Variants in NAALADL2 observed in about 807,000 individuals in gnomAD.
The protein encoded by NAALADL2 is N-acetylated alpha-linked acidic dipeptidase like 2.
In NAALADL2, 76 loss-of-function variants were observed where a neutral mutation model predicts 87.2. That is an observed-to-expected ratio of 0.87 (90% CI 0.72 to 1.05). The LOEUF (loss-of-function observed/expected upper bound fraction) is 1.05, where lower values mean the gene tolerates loss of function less well. Ranked by LOEUF, NAALADL2 falls within the 50% of genes least tolerant of loss-of-function variation. The pLI is 0.00. For missense variants in NAALADL2, 1,089 were observed against 945.8 expected (o/e 1.15, Z -1.99); for synonymous variants, 354 against 331.0 (o/e 1.07, Z -0.75).
intron 10 of NAALADL2, among the ~76,000 whole-genome samples, chr3:175,579,511 T>G (rs975572245): frequency 7.9e-5 from 12 of 152,228 alleles, no homozygotes; most frequent in Non-Finnish European, 1.5e-5. Context: ...GCCTCTATAC[T>G]CTAATTTTCC....
At chr3:175,315,693 A>G (rs986613832) in intron 4 of NAALADL2, among the ~76,000 whole-genome samples, 1 of 152,220 alleles carries the variant, frequency 6.6e-6, no homozygotes, top group Non-Finnish European at 1.5e-5. Context: ...ATTTTCTAGT[A>G]TAAAATTAGA....
intron 3 of NAALADL2, among the ~76,000 whole-genome samples, chr3:174,787,604 T>TATATATATATACACACAC (rs1553855444): frequency 3.4e-5 from 3 of 87,938 alleles, no homozygotes; most frequent in South Asian, 5.0e-4. Context: ...TATATATATA[T>TATATATATATACACACAC]ATATATATAT....
chr3:175,331,911 C>G (rs1553863692), intron 5 of NAALADL2, among the ~76,000 whole-genome samples: 1 of 152,102 alleles, frequency 6.6e-6, no homozygotes, highest in Non-Finnish European at 1.5e-5. Context: ...AATCAACATA[C>G]AAAATCAGCA....
intron 2 of NAALADL2, among the ~76,000 whole-genome samples, chr3:174,573,430 G>A (rs1294682494): frequency 6.6e-6 from 1 of 152,120 alleles, no homozygotes; most frequent in Non-Finnish European, 1.5e-5. Context: ...ATCACACCTG[G>A]CCAAAATTTG....
chr3:174,622,314 C>T (rs1028116200), intron 2 of NAALADL2, among the ~76,000 whole-genome samples: 1 of 152,122 alleles, frequency 6.6e-6, no homozygotes, highest in Non-Finnish European at 1.5e-5. Flanking sequence ...TTTATTTCTT[C>T]ACCTCTAAAC....
intron 10 of NAALADL2, among the ~76,000 whole-genome samples, chr3:175,591,767 G>GT (rs1553928588): frequency 4.4e-5 from 2 of 45,374 alleles, no homozygotes; most frequent in African/African-American, 6.5e-5. Flanking sequence ...ATGCGCATGT[G>GT]GTGTGTGTGT....
chr3:174,972,461 C>G (rs922128130), intron 1 of NAALADL2, among the ~76,000 whole-genome samples: 1 of 152,116 alleles, frequency 6.6e-6, no homozygotes, highest in Non-Finnish European at 1.5e-5. Flanking sequence ...ACCACCTTCT[C>G]TCTGCGCTCT....
chr3:175,746,315 G>GTT (rs397765614), intron 12 of NAALADL2, among the ~76,000 whole-genome samples: 175 of 123,418 alleles, frequency 1.4e-3, no homozygotes, highest in Admixed American at 4.5e-3. Flanking sequence ...CACTTGGTTT[G>GTT]TTTTTTTTTT....
chr3:175,115,674 G>A (rs1482597329), intron 2 of NAALADL2, among the ~76,000 whole-genome samples: 1 of 151,700 alleles, frequency 6.6e-6, no homozygotes, highest in African/African-American at 2.4e-5. Flanking sequence ...ATTAGATGAG[G>A]AGGAAGTAAT....
intron 9 of NAALADL2, among the ~76,000 whole-genome samples, chr3:175,569,959 A>T (rs1717794364): frequency 6.6e-6 from 1 of 152,112 alleles, no homozygotes; most frequent in East Asian, 1.9e-4. Context: ...GATTATAAGG[A>T]TTTGTCTCAT....
rs536493105 is a variant in NAALADL2 at position 174,705,652 on chromosome 3, G to T, written c.-114-31989G>T. On this transcript the variant is annotated intron_variant, in intron 2 of 3. Transcript: ENST00000434257. Reference sequence around the variant, plus strand: ...ACAAAAATTAGCCGGGCGTGGTGGTGGGCGCCTGTAATCCCAGCTACTCGG... The same window carrying T: ...ACAAAAATTAGCCGGGCGTGGTGGTTGGCGCCTGTAATCCCAGCTACTCGG... 1.5e-4 allele frequency among the ~76,000 whole-genome samples: 23 copies of T among 151,952 alleles called. No homozygotes were observed. In the East Asian group the frequency reaches 4.3e-3, roughly 28 times the overall value.
chr3:175,362,960 T>G (rs1765195148), intron 5 of NAALADL2, among the ~76,000 whole-genome samples: 1 of 148,076 alleles, frequency 6.8e-6, no homozygotes, highest in Admixed American at 6.9e-5. Context: ...TGTTTTCTGA[T>G]GCAACCTTTG....
intron 13 of NAALADL2, among the ~76,000 whole-genome samples, chr3:175,801,059 A>G (rs539531273): frequency 4.4e-4 from 67 of 152,158 alleles, no homozygotes; most frequent in Non-Finnish European, 7.9e-4. Context: ...CTGAGAGGAA[A>G]TGGTGATCAA....
intron 11 of NAALADL2, among the ~76,000 whole-genome samples, chr3:175,697,029 A>G (rs999169252): frequency 2.0e-5 from 3 of 152,128 alleles, no homozygotes; most frequent in Non-Finnish European, 4.4e-5. Context: ...AATGGCAATT[A>G]AATTTCAGCA....
intron 2 of NAALADL2, among the ~76,000 whole-genome samples, chr3:174,723,601 A>T (rs1018264639): frequency 2.6e-5 from 4 of 151,796 alleles, no homozygotes. Context: ...TAAAAATACA[A>T]AACAATTAGC....
chr3:174,488,916 A>T (rs954852137), intron 1 of NAALADL2, among the ~76,000 whole-genome samples: 3 of 152,106 alleles, frequency 2.0e-5, no homozygotes, highest in African/African-American at 7.2e-5. Context: ...AGCTTTGGTC[A>T]TAAAACGGCT....
Position 175,096,354 on chromosome 3 carries a change from TTTA to T in NAALADL2, c.44-432_44-430del, listed in dbSNP as rs538606749. On this transcript the variant is annotated intron_variant, in intron 1 of 13. Transcript: ENST00000454872. Reference sequence around the variant, plus strand: ...TCCCTTTAACTTACCAAATCGCAGCTTTATTACTTTTGCCTTTAATTTTTAAAA... The same window carrying T: ...TCCCTTTAACTTACCAAATCGCAGCTTTACTTTTGCCTTTAATTTTTAAAA... Among the ~76,000 whole-genome samples the T allele has an allele frequency of 6.5e-3, 986 of 152,260 alleles. 8 individuals carry two copies. The highest frequency in any genetic ancestry group is 8.5e-3 in the Non-Finnish European group (577 of 68,012).
At chr3:174,972,330 C>T (rs1489042053) in intron 1 of NAALADL2, among the ~76,000 whole-genome samples, 2 of 152,152 alleles carry the variant, frequency 1.3e-5, no homozygotes, top group Non-Finnish European at 2.9e-5. Flanking sequence ...TAACAAAAAC[C>T]ATTGACTGGG....
chr3:174,945,000 C>A (rs188731644), intron 1 of NAALADL2, among the ~76,000 whole-genome samples: 1 of 152,210 alleles, frequency 6.6e-6, no homozygotes, highest in East Asian at 1.9e-4. Context: ...CCCTTCAGTT[C>A]TTCTGGGTGA....
Sources: allele counts gnomAD v4.1 joint callset (sites outside exome capture counted in the v4.1 genomes callset), GRCh38; gene constraint gnomAD v4.1.1; transcripts MANE v1.5; gene names NCBI Gene and HGNC (gene_info 2026-07-23, HGNC 2026-07-21).